Variants in ATRNL1 observed in about 807,000 individuals in gnomAD.
ATRNL1 encodes the protein attractin like 1, also known as attractin-like protein 1.
In ATRNL1, 95 loss-of-function variants were observed where a neutral mutation model predicts 182.7. The observed-to-expected ratio is 0.52, with a 90% CI of 0.44 to 0.62. The LOEUF (loss-of-function observed/expected upper bound fraction) is 0.62, where lower values mean the gene tolerates loss of function less well. Among genes scored for constraint, ATRNL1 ranks in the 20% least tolerant of loss-of-function variants. The pLI is 0.00. For missense variants in ATRNL1, 1,471 were observed against 1,679.5 expected, an observed-to-expected ratio of 0.88 and a Z score of 2.17; for synonymous variants, 576 against 568.3, an observed-to-expected ratio of 1.01 and a Z score of -0.19.
intron 24 of ATRNL1, among the ~76,000 whole-genome samples, chr10:115,511,413 C>A (rs1264762210): frequency 6.6e-6 from 1 of 151,886 alleles, no homozygotes; most frequent in Non-Finnish European, 1.5e-5. Flanking sequence ...TGTAACTATG[C>A]TTTTAAATCC....
At position 115,874,081 on chromosome 10, in the gene ATRNL1, A is replaced by G. The variant is rs199763640; in HGVS notation, c.4018+26090A>G. ...GTTTCCATCTTCATGTCTCCTCCACAGCTCTTCATGCTTGTCAACTTGGGG... is the reference window on the plus strand; with the variant it reads ...GTTTCCATCTTCATGTCTCCTCCACGGCTCTTCATGCTTGTCAACTTGGGG... On this transcript the variant is annotated intron_variant, in intron 28 of 28. Coordinates refer to ENST00000355044, the MANE Select transcript of ATRNL1 (RefSeq NM_207303.4). Among the ~76,000 whole-genome samples the G allele has an allele frequency of 7.9e-5, 12 of 152,276 alleles. No homozygotes were observed. In the East Asian group the frequency reaches 1.2e-3, roughly 15 times the overall value.
intron 8 of ATRNL1, among the ~76,000 whole-genome samples, chr10:115,173,951 T>A (rs1392124169): frequency 1.3e-5 from 2 of 150,322 alleles, no homozygotes; most frequent in Admixed American, 1.3e-4. Context: ...TTTCAAAAAG[T>A]CATTCTTGCT....
At chr10:115,358,983 T>C (rs1856621645) in intron 19 of ATRNL1, among the ~76,000 whole-genome samples, 2 of 151,594 alleles carry the variant, frequency 1.3e-5, no homozygotes, top group African/African-American at 4.8e-5. Context: ...ATCCAACCAC[T>C]CCTCCCTATA....
At chr10:115,227,397 A>T (rs562732291) in intron 9 of ATRNL1, among the ~76,000 whole-genome samples, 1 of 151,734 alleles carries the variant, frequency 6.6e-6, no homozygotes, top group South Asian at 2.1e-4. Context: ...AAAGTAAAAC[A>T]ACAACAACAA....
chr10:115,146,802 CTTTT>C (rs35914807), intron 5 of ATRNL1, among the ~76,000 whole-genome samples: 1 of 145,702 alleles, frequency 6.9e-6, no homozygotes, highest in African/African-American at 2.5e-5. Context: ...TGATTTCATT[CTTTT>C]TTTTTTTTTG....
intron 26 of ATRNL1, among the ~76,000 whole-genome samples, chr10:115,696,656 C>G (rs1429471723): frequency 6.6e-6 from 1 of 152,134 alleles, no homozygotes; most frequent in Non-Finnish European, 1.5e-5. Flanking sequence ...TTTTTGTCCA[C>G]AACCTTGCTA....
intron 5 of ATRNL1, among the ~76,000 whole-genome samples, chr10:115,158,608 T>C (rs559954037): frequency 2.0e-5 from 3 of 152,062 alleles, no homozygotes; most frequent in Non-Finnish European, 2.9e-5. Flanking sequence ...AGCCATACAA[T>C]GTAAGCATTG....
At chr10:115,540,450 C>A (rs2133783512) in intron 25 of ATRNL1, among the ~76,000 whole-genome samples, 1 of 152,104 alleles carries the variant, frequency 6.6e-6, no homozygotes, top group Non-Finnish European at 1.5e-5. Flanking sequence ...CAAGGTAGCA[C>A]AAGAGAGATG....
chr10:115,098,971 C>A (rs894334259), intron 1 of ATRNL1, among the ~76,000 whole-genome samples: 7 of 152,146 alleles, frequency 4.6e-5, no homozygotes, highest in Non-Finnish European at 1.0e-4. Flanking sequence ...TTAAATTATA[C>A]AATTTGATAA....
chr10:115,286,626 A>G (rs1421540896), intron 15 of ATRNL1, among the ~76,000 whole-genome samples: 3 of 152,020 alleles, frequency 2.0e-5, no homozygotes, highest in Non-Finnish European at 4.4e-5. Flanking sequence ...CTTACCAAGA[A>G]GTGATCTTAT....
chr10:115,441,850 C>A (rs1049091715), intron 21 of ATRNL1, among the ~76,000 whole-genome samples: 5 of 151,806 alleles, frequency 3.3e-5, no homozygotes, highest in African/African-American at 9.7e-5. Flanking sequence ...CTTCTTTGAG[C>A]CCCCCTCTCT....
chr10:115,530,645 T>C (rs1554987978), intron 25 of ATRNL1, among the ~76,000 whole-genome samples: 1 of 152,118 alleles, frequency 6.6e-6, no homozygotes, highest in Non-Finnish European at 1.5e-5. Context: ...ATTATTATTA[T>C]ACTTTAAGTT....
intron 28 of ATRNL1, among the ~76,000 whole-genome samples, chr10:115,887,042 A>G (rs530432481): frequency 2.1e-3 from 321 of 152,302 alleles, no homozygotes; most frequent in Non-Finnish European, 3.6e-3. Flanking sequence ...AACCATGTGC[A>G]GGCATCATGT....
chr10:115,230,915 G>GAGAGAGAGAGAGAGAA (rs1849915693), intron 9 of ATRNL1, among the ~76,000 whole-genome samples: 2 of 137,538 alleles, frequency 1.5e-5, no homozygotes, highest in Non-Finnish European at 1.6e-5. Flanking sequence ...GAGAGAGAGA[G>GAGAGAGAGAGAGAGAA]AGAGAGAAAG....
chr10:115,256,109 G>A (rs997428601), intron 10 of ATRNL1, among the ~76,000 whole-genome samples: 2 of 152,152 alleles, frequency 1.3e-5, no homozygotes, highest in Admixed American at 1.3e-4. Context: ...TTTTTTTGTT[G>A]TGTCTCTACC....
intron 15 of ATRNL1, among the ~76,000 whole-genome samples, 167 bp downstream of exon 15, chr10:115,286,564 G>A (rs1852624792): frequency 1.3e-5 from 2 of 151,838 alleles, no homozygotes; most frequent in African/African-American, 4.8e-5. Flanking sequence ...AAGTAATAAG[G>A]TAATAAGGTT....
intron 27 of ATRNL1, among the ~76,000 whole-genome samples, chr10:115,764,116 T>G (rs2134151712): frequency 6.6e-6 from 1 of 152,322 alleles, no homozygotes; most frequent in Non-Finnish European, 1.5e-5. Context: ...TATCAGCAAT[T>G]AAGGAACAAC....
At chr10:115,515,275 G>A (rs17724028) in intron 24 of ATRNL1, among the ~76,000 whole-genome samples, 24,485 of 150,646 alleles carry the variant, frequency 0.16, 2,499 homozygotes, top group South Asian at 0.24. Context: ...TGACATTTAA[G>A]GGGATAGATA....
At position 115,394,565 on chromosome 10, in the gene ATRNL1, G is replaced by T. The variant is rs1010703097; in HGVS notation, c.3176-94G>T. The T allele has an allele frequency of 1.1e-5, 10 of 945,908 alleles. No individual in the cohort carries two copies. The Admixed American group carries it at 1.9e-4, about 18-fold the overall frequency. 58.6% of individuals were successfully genotyped at this position (945,908 alleles called of 1,614,324 possible). ...TTTTGGATGGCAAGAGGAAGTTACA[G>T]GACATAAAAATAAGGTAATAATAAT... On this transcript the variant is annotated intron_variant, in intron 19 of 28. Transcript: ENST00000355044.
Sources: gnomAD v4.1 joint callset for allele counts (sites outside exome capture counted in the v4.1 genomes callset) on GRCh38, gnomAD v4.1.1 for gene constraint, MANE v1.5 for transcripts, NCBI Gene and HGNC (gene_info 2026-07-23, HGNC 2026-07-21) for gene names.